The following CP variants were observed in gnomAD, a reference collection of about 807,000 sequenced individuals.
CP encodes ceruloplasmin, also known as caeruloplasmin.
In CP, 64 loss-of-function variants were observed where a neutral mutation model predicts 122.4. The ratio of observed to expected loss-of-function variants is 0.52; its 90% confidence interval spans 0.43 to 0.64. The LOEUF (loss-of-function observed/expected upper bound fraction) is 0.64, where lower values mean the gene tolerates loss of function less well. CP is among the 30% of genes least tolerant of loss of function. The pLI is 0.00. For synonymous variants in CP, 440 were observed against 436.4 expected, an observed-to-expected ratio of 1.01 and a Z score of -0.10; for missense variants, 1,167 against 1,284.4, an observed-to-expected ratio of 0.91 and a Z score of 1.40.
At chr3:149,190,978 G>T (rs1559944315) in intron 9 of CP, among the ~76,000 whole-genome samples, 1 of 152,154 alleles carries the variant, frequency 6.6e-6, no homozygotes. Flanking sequence ...CCCCCAGAGT[G>T]CAAGGATAGT....
chr3:149,191,630 G>C (rs1005701978), intron 9 of CP, among the ~76,000 whole-genome samples: 3 of 150,220 alleles, frequency 2.0e-5, no homozygotes, highest in African/African-American at 7.5e-5. Flanking sequence ...TCATAATAAG[G>C]CAAGAAAATA....
rs1576725658 is a variant in CP at position 149,176,407 on chromosome 3, C to T, written c.3024G>A (p.Arg1008=). The T allele has an allele frequency of 6.2e-7, 1 of 1,607,284 alleles. No individual in the cohort carries two copies. Among genetic ancestry groups the T allele is most frequent in the Non-Finnish European group, 8.5e-7 (1 of 1,173,996 alleles). The part of the protein sequence containing the change: ...FHGHSFQYKH[R]GVYSSDVFDI... The stretch of plus-strand genomic sequence containing the variant: ...CAAAGACATCAGAACTATAAACTCC[C>T]CTGTGCTTAATTAGAAAAATGACAA... Residue 1008 remains arginine (R), a synonymous_variant, in exon 18 of 19, where the codon AGG becomes AGA. Transcript: ENST00000264613.
At chr3:149,217,191 G>A (rs1309217774) in intron 1 of CP, among the ~76,000 whole-genome samples, 5 of 152,052 alleles carry the variant, frequency 3.3e-5, no homozygotes, top group African/African-American at 1.2e-4. Context: ...GAGCCACCAC[G>A]CCCAGCCCTA....
chr3:149,195,378 C>T (rs1368917350), intron 9 of CP, among the ~76,000 whole-genome samples: 1 of 152,140 alleles, frequency 6.6e-6, no homozygotes, highest in African/African-American at 2.4e-5. Context: ...ACAAGGCTAA[C>T]AAAGCTGTAC....
At chr3:149,179,117 T>C (rs1725616250) in intron 15 of CP, among the ~76,000 whole-genome samples, 1 of 152,192 alleles carries the variant, frequency 6.6e-6, no homozygotes. Context: ...TTCACCCACC[T>C]ATCTATAACC....
Position 149,221,770 on chromosome 3 carries a change from A to G in CP, c.23T>C (p.Ile8Thr). MKILILG[I>T]FLFLCSTPAW... Reference sequence around the variant, plus strand: ...TGGGGTACTACATAAAAACAGAAAAATACCAAGTATCAAAATCTTCATTTT... The same window carrying G: ...TGGGGTACTACATAAAAACAGAAAAGTACCAAGTATCAAAATCTTCATTTT... Residue 8 changes from isoleucine to threonine, a missense_variant, in exon 1 of 19, where the codon ATT becomes ACT. This residue lies in a region of CP where 642 missense variants were observed against 627.3 expected (regional missense o/e 1.02). Transcript: ENST00000264613. The G allele has an allele frequency of 1.2e-6, 2 of 1,613,846 alleles. No homozygotes were observed. The highest frequency in any genetic ancestry group is 1.7e-6 in the Non-Finnish European group (2 of 1,179,834).
At chr3:149,214,764 C>G (rs1385909064) in intron 1 of CP, among the ~76,000 whole-genome samples, 1 of 152,172 alleles carries the variant, frequency 6.6e-6, no homozygotes, top group African/African-American at 2.4e-5. Context: ...AAACCCATAG[C>G]AAGGAATGCA....
intron 6 of CP, among the ~76,000 whole-genome samples, chr3:149,202,831 G>T (rs371138741): frequency 6.7e-6 from 1 of 148,754 alleles, no homozygotes; most frequent in Non-Finnish European, 1.5e-5. Context: ...GGATGGTCTC[G>T]ATCTCCTGAC....
In CP at chr3:149,178,396, T is replaced by G; in HGVS notation, c.2878+19A>C. On this transcript the variant is annotated intron_variant, in intron 16 of 18. Transcript: ENST00000264613. ...ATGATAAAAAAGTAGAAAAATTGTT[T>G]TAGAATAATGTGACATACCATGCAT... The G allele has an allele frequency of 2.0e-6, 3 of 1,503,678 alleles. No individual in the cohort carries two copies. Among genetic ancestry groups the G allele is most frequent in the Non-Finnish European group, 2.8e-6 (3 of 1,085,012 alleles). 93.1% of individuals were successfully genotyped at this position (1,503,678 alleles called of 1,614,324 possible).
At chr3:149,207,650 G>A (rs559047332) in intron 4 of CP, 33 bp from the exon 5 acceptor site, 1 of 1,611,856 alleles carries the variant, frequency 6.2e-7, no homozygotes, top group African/African-American at 1.3e-5. Flanking sequence ...GTGACTAAGA[G>A]TCATTAATGC....
chr3:149,185,173 C>A, intron 12 of CP, 66 bp downstream of exon 12: 2 of 1,483,962 alleles, frequency 1.3e-6, no homozygotes, highest in Non-Finnish European at 9.3e-7. Context: ...TGGTGTAATT[C>A]TTACTTCTCT....
intron 9 of CP, among the ~76,000 whole-genome samples, chr3:149,194,789 ATC>A (rs1726788705): frequency 6.6e-6 from 1 of 152,196 alleles, no homozygotes; most frequent in African/African-American, 2.4e-5. Context: ...ATAAAACACT[ATC>A]AAGCCTTTTT....
At chr3:149,197,620 G>A (rs751322004) in intron 9 of CP, among the ~76,000 whole-genome samples, 14 of 152,122 alleles carry the variant, frequency 9.2e-5, no homozygotes, top group South Asian at 2.1e-4. Flanking sequence ...AACATTTTTG[G>A]CACCAGGGAC....
chr3:149,167,570 C>T (rs369946651), downstream of CP, among the ~76,000 whole-genome samples: 7 of 152,148 alleles, frequency 4.6e-5, no homozygotes, highest in East Asian at 1.2e-3. Flanking sequence ...GAATTTTGGA[C>T]CTTAGTTCTT....
At chr3:149,168,275 G>A (rs1376651397), downstream of CP, 2 of 338,868 alleles carry the variant, frequency 5.9e-6, no homozygotes, top group Non-Finnish European at 1.1e-5. Flanking sequence ...AGTCATTAAG[G>A]CAATTACATC....
At chr3:149,205,769 G>A (rs1219649283) in intron 6 of CP, among the ~76,000 whole-genome samples, 2 of 152,102 alleles carry the variant, frequency 1.3e-5, no homozygotes, top group African/African-American at 4.8e-5. Context: ...ATTGTTTAAA[G>A]GGTTCAGAGT....
chr3:149,194,420 G>C (rs1206407673), intron 9 of CP, among the ~76,000 whole-genome samples: 1 of 151,802 alleles, frequency 6.6e-6, no homozygotes, highest in African/African-American at 2.4e-5. Context: ...TGTAATTTTA[G>C]TAGAGACGGG....
At chr3:149,218,023 A>T (rs1728576038) in intron 1 of CP, 1 of 220,264 alleles carries the variant, frequency 4.5e-6, no homozygotes, top group Non-Finnish European at 1.0e-5. Flanking sequence ...TGTTTGTAAG[A>T]ACTGTATGTT....
chr3:149,182,905 CT>C (rs35942827), intron 13 of CP, among the ~76,000 whole-genome samples: 1 of 152,092 alleles, frequency 6.6e-6, no homozygotes, highest in Non-Finnish European at 1.5e-5. Context: ...AATCCCAGCA[CT>C]TTGGAAGGCT....
Sources: gnomAD v4.1 joint callset for allele counts (sites outside exome capture counted in the v4.1 genomes callset) on GRCh38, gnomAD v4.1.1 for gene constraint, gnomAD v4.1.1 regional missense constraint, MANE v1.5 for transcripts, NCBI Gene and HGNC (gene_info 2026-07-23, HGNC 2026-07-21) for gene names.